Variants in FRZB observed in about 807,000 individuals in gnomAD.
FRZB encodes the protein secreted frizzled-related protein 3.
FRZB carries 34 observed loss-of-function variants against 32.5 expected under a neutral mutation model. That is an observed-to-expected ratio of 1.05 (90% CI 0.80 to 1.39). FRZB has a LOEUF of 1.39. Among genes scored for constraint, FRZB ranks in the 40% most tolerant of loss-of-function variants. The pLI is 0.00. For synonymous variants in FRZB, 170 were observed against 159.2 expected (o/e 1.07, Z -0.51); for missense variants, 423 against 424.8 (o/e 1.00, Z 0.04).
chr2:182,857,920 G>T (rs1200936987), intron 2 of FRZB, among the ~76,000 whole-genome samples: 1 of 152,142 alleles, frequency 6.6e-6, no homozygotes, highest in Non-Finnish European at 1.5e-5. Context: ...AGCATCATTA[G>T]CCATTAGGGA....
At chr2:182,837,910 T>C in intron 5 of FRZB, 38 bp downstream of exon 5, 1 of 1,534,164 alleles carries the variant, frequency 6.5e-7, no homozygotes, top group Non-Finnish European at 9.0e-7. Context: ...TTTGTTTTGT[T>C]TTCTGTGTAT....
intron 2 of FRZB, among the ~76,000 whole-genome samples, chr2:182,849,280 G>A (rs888684121): frequency 4.0e-5 from 6 of 148,964 alleles, no homozygotes; most frequent in South Asian, 2.1e-4. Flanking sequence ...ATAAATAAAT[G>A]TTCTTTATCT....
At chr2:182,859,730 C>A (rs1388704623) in intron 1 of FRZB, among the ~76,000 whole-genome samples, 1 of 151,982 alleles carries the variant, frequency 6.6e-6, no homozygotes, top group Non-Finnish European at 1.5e-5. Flanking sequence ...ACTATAACAC[C>A]CACAATTACA....
chr2:182,851,503 A>G (rs572407313), intron 2 of FRZB, among the ~76,000 whole-genome samples: 23 of 152,208 alleles, frequency 1.5e-4, no homozygotes, highest in African/African-American at 5.5e-4. Context: ...TAAAAATACA[A>G]AAATTAGCCA....
intron 2 of FRZB, among the ~76,000 whole-genome samples, chr2:182,846,410 T>C (rs1425845592): frequency 6.6e-6 from 1 of 152,184 alleles, no homozygotes. Context: ...AGGACTACTA[T>C]GTTTGAGTGG....
rs1168534389 is a variant in FRZB, at chr2:182,858,727, A to T, written c.526+59T>A. Reference sequence around the variant, plus strand: ...CCCCATGAATGACTTAAGTATCTAAATTACATCAATGACTAATCTGACCAC... The same window carrying T: ...CCCCATGAATGACTTAAGTATCTAATTTACATCAATGACTAATCTGACCAC... On this transcript the variant is annotated intron_variant, in intron 2 of 5. Coordinates refer to ENST00000295113, the MANE Select transcript of FRZB (RefSeq NM_001463.4). The T allele has an allele frequency of 4.4e-6, 6 of 1,349,674 alleles. No individual in the cohort carries two copies. The East Asian group carries it at 1.1e-4, about 26-fold the overall frequency. 83.6% of individuals were successfully genotyped at this position (1,349,674 alleles called of 1,614,324 possible).
intron 2 of FRZB, among the ~76,000 whole-genome samples, chr2:182,847,329 G>T (rs1695655705): frequency 6.6e-6 from 1 of 152,180 alleles, no homozygotes; most frequent in South Asian, 2.1e-4. Flanking sequence ...ATAAGACAGA[G>T]AATATGAAGT....
chr2:182,863,588 A>C (rs1695858060), intron 1 of FRZB, among the ~76,000 whole-genome samples: 1 of 152,136 alleles, frequency 6.6e-6, no homozygotes, highest in Non-Finnish European at 1.5e-5. Context: ...AATGTGAAAG[A>C]TTGTCCTATT....
Position 182,866,536 on chromosome 2 carries a change from G to C in FRZB, c.17C>G (p.Pro6Arg), listed in dbSNP as rs2105767223. 6.8e-7 allele frequency: 1 copy of C among 1,465,310 alleles called. No homozygotes were observed. Among genetic ancestry groups the C allele is most frequent in the Non-Finnish European group, 9.0e-7 (1 of 1,110,576 alleles). The allele number at this position is 1,465,310 out of a possible 1,614,324, so 90.8% of individuals were successfully genotyped here. A position where few individuals can be genotyped will look rare whatever the true frequency, so the allele number is the denominator to read the frequency against. Reference protein sequence around the residue: MVCGSPGGMLLLRAGL... With the variant: MVCGSRGGMLLLRAGL... ...GGCCCGCAGCAGCAGCATCCCTCCC[G>C]GGCTGCCGCAGACCATGATCCCGGC... Residue 6 changes from proline (P) to arginine (R), a missense_variant, in exon 1 of 6, where the codon CCG becomes CGG. Coordinates refer to ENST00000295113, the MANE Select transcript of FRZB (RefSeq NM_001463.4). This position sits in a 1 kb window ranked among gnomAD's most constrained non-coding sequence, Gnocchi z 4.5.
chr2:182,855,772 A>G (rs921000620), intron 2 of FRZB, among the ~76,000 whole-genome samples: 2 of 152,210 alleles, frequency 1.3e-5, no homozygotes, highest in African/African-American at 4.8e-5. Flanking sequence ...AACATTATAA[A>G]TTTATAGATT....
intron 1 of FRZB, among the ~76,000 whole-genome samples, chr2:182,862,883 C>T (rs1160678283): frequency 1.3e-5 from 2 of 152,112 alleles, no homozygotes; most frequent in East Asian, 3.9e-4. Flanking sequence ...AGTCCCTTGC[C>T]TCAGTTTCCT....
intron 2 of FRZB, among the ~76,000 whole-genome samples, chr2:182,855,802 T>C (rs1284828219): frequency 6.6e-6 from 1 of 151,992 alleles, no homozygotes; most frequent in African/African-American, 2.4e-5. Context: ...CAGATAACCC[T>C]AAACAGGGTA....
intron 2 of FRZB, among the ~76,000 whole-genome samples, chr2:182,850,659 G>A (rs1290815423): frequency 6.6e-6 from 1 of 151,946 alleles, no homozygotes; most frequent in Non-Finnish European, 1.5e-5. Flanking sequence ...CTACATTTTG[G>A]CTATTGTGAA....
At chr2:182,836,299 T>C (rs2105750791) in intron 5 of FRZB, among the ~76,000 whole-genome samples, 1 of 152,110 alleles carries the variant, frequency 6.6e-6, no homozygotes, top group African/African-American at 2.4e-5. Context: ...TCCATAAAAC[T>C]CTTTTTACAC....
chr2:182,837,994 C>A lies in FRZB; in HGVS notation c.815G>T (p.Gly272Val), dbSNP rs775764533. The A allele has an allele frequency of 9.9e-6, 16 of 1,611,688 alleles. No individual in the cohort carries two copies. The highest frequency in any genetic ancestry group is 1.4e-5 in the Non-Finnish European group (16 of 1,178,622). ...EERSRLLLVE[G>V]SIAEKWKDRL... ...ATCCTTCCACTTCTCAGCTATAGAG[C>A]CTTCCACCAAGAGTAATCTGTATTT... The change falls in exon 5 of 6, where the codon GGC (glycine) becomes GTC (valine). Residue 272 changes from glycine to valine, a missense_variant. Gly to Val is a moderately radical substitution (Grantham distance 109). Coordinates refer to ENST00000295113, the MANE Select transcript of FRZB (RefSeq NM_001463.4).
chr2:182,852,431 G>C (rs1393182220), intron 2 of FRZB, among the ~76,000 whole-genome samples: 1 of 152,154 alleles, frequency 6.6e-6, no homozygotes, highest in Non-Finnish European at 1.5e-5. Context: ...CCTAATTTAA[G>C]ATAAATCAGA....
intron 2 of FRZB, among the ~76,000 whole-genome samples, chr2:182,848,685 T>C (rs1248386717): frequency 6.6e-6 from 1 of 152,128 alleles, no homozygotes; most frequent in Non-Finnish European, 1.5e-5. Flanking sequence ...CTAGGAACCA[T>C]ATAGAAGTCA....
At chr2:182,854,307 T>C (rs966204528) in intron 2 of FRZB, among the ~76,000 whole-genome samples, 1 of 152,190 alleles carries the variant, frequency 6.6e-6, no homozygotes, top group East Asian at 1.9e-4. Context: ...AATAAGTAGA[T>C]TCCATCTTGT....
At chr2:182,840,508 A>C (rs1695576037) in intron 3 of FRZB, among the ~76,000 whole-genome samples, 2 of 152,240 alleles carry the variant, frequency 1.3e-5, no homozygotes, top group South Asian at 4.2e-4. Flanking sequence ...TCCCAGAATT[A>C]ATCTAAATGA....
Sources: gnomAD v4.1 joint callset for allele counts (sites outside exome capture counted in the v4.1 genomes callset) on GRCh38, gnomAD v4.1.1 for gene constraint, Gnocchi (gnomAD v3.1) non-coding constraint, MANE v1.5 for transcripts, NCBI Gene and HGNC (gene_info 2026-07-23, HGNC 2026-07-21) for gene names.